NBPF10: variants seen among roughly 807,000 people sequenced by gnomAD.
The protein encoded by NBPF10 is NBPF family member NBPF10.
A neutral mutation model predicts 77.9 loss-of-function variants in NBPF10; 63 were observed. That is an observed-to-expected ratio of 0.81 (90% CI 0.66 to 1.00). The LOEUF is 1.00. NBPF10 is among the 50% of genes least tolerant of loss of function. The pLI is 0.00. For missense variants in NBPF10, 522 were observed against 679.8 expected (o/e 0.77, Z 2.58); for synonymous variants, 146 against 264.5 (o/e 0.55, Z 4.35).
chr1:146,126,580 A>T (rs1553790098), intron 13 of NBPF10, among the ~76,000 whole-genome samples, 172 bp from the exon 14 acceptor site: 1 of 138,586 alleles, frequency 7.2e-6, no homozygotes, highest in Admixed American at 7.9e-5. Context: ...CCAGGTAGAA[A>T]AGGATGAACG....
intron 20 of NBPF10, among the ~76,000 whole-genome samples, chr1:146,121,051 C>G (rs1174341348): frequency 9.4e-6 from 1 of 106,066 alleles, no homozygotes; most frequent in Non-Finnish European, 1.9e-5. Flanking sequence ...CATATTTTTC[C>G]AATCGATTTA....
intron 4 of NBPF10, among the ~76,000 whole-genome samples, 182 bp from the exon 5 acceptor site, chr1:146,140,202 G>C (rs1468812612): frequency 7.6e-6 from 1 of 131,020 alleles, no homozygotes; most frequent in Admixed American, 7.5e-5. Context: ...GGCTGCCATG[G>C]GAGCCAGAGA....
At chr1:146,143,868 G>C (rs1214105774) in intron 1 of NBPF10, among the ~76,000 whole-genome samples, 1 of 147,772 alleles carries the variant, frequency 6.8e-6, no homozygotes, top group Non-Finnish European at 1.5e-5. Flanking sequence ...TTCTGCCTCA[G>C]CCTCCCGATT....
chr1:146,067,246 C>G lies in NBPF10; in HGVS notation c.11078G>C (p.Arg3693Thr), dbSNP rs782504012. 70 of 564,994 alleles carry G rather than the reference C, an allele frequency of 1.2e-4. 1 individual carries two copies. Among genetic ancestry groups the G allele is most frequent in the Non-Finnish European group, 2.1e-4 (67 of 317,690 alleles). The allele number at this position is 564,994 out of a possible 1,614,324, so 35.0% of individuals were successfully genotyped here. ...TCCCCTTCTTCTTTCCTTCTTTGATCTTCTTCCCCTTCTTTTTTTCCCCTT... is the reference window on the plus strand; with the variant it reads ...TCCCCTTCTTCTTTCCTTCTTTGATGTTCTTCCCCTTCTTTTTTTCCCCTT... Residue 3693 changes from arginine (R) to threonine (T), a missense_variant, in exon 89 of 90, where the codon AGA becomes ACA. Arg to Thr is a moderately conservative substitution (Grantham distance 71). This residue lies in a region of NBPF10 where 183 missense variants were observed against 96.6 expected (regional missense o/e 1.89). Coordinates refer to ENST00000583866, the Ensembl canonical transcript of NBPF10.
intron 88 of NBPF10, among the ~76,000 whole-genome samples, chr1:146,067,492 C>A (rs1201669455): frequency 1.4e-5 from 2 of 143,894 alleles, no homozygotes; most frequent in African/African-American, 5.2e-5. Context: ...TAAAATGTCC[C>A]TATTCTAGTA....
chr1:146,126,714 C>A (rs1285720161), intron 13 of NBPF10, among the ~76,000 whole-genome samples: 1 of 146,552 alleles, frequency 6.8e-6, no homozygotes, highest in African/African-American at 2.5e-5. Flanking sequence ...TCTCAGGACA[C>A]ACAGTGAACA....
exon 1 of NBPF10, chr1:146,144,648 T>G: frequency 8.0e-7 from 1 of 1,248,998 alleles, no homozygotes; most frequent in Non-Finnish European, 1.1e-6. Flanking sequence ...TAGAAAACAT[T>G]TCTCTTTGAG....
chr1:146,073,971 CA>C lies in NBPF10; in HGVS notation c.10078+299del, dbSNP rs1480052828. On this transcript the variant is annotated intron_variant, in intron 80 of 89. Coordinates refer to ENST00000583866, the Ensembl canonical transcript of NBPF10. ...TGAAGGATGAAATCTCCAAGATCTA[CA>C]AAATTGAGACAAAATCAGAGTTGTG... is the stretch of plus-strand genomic sequence containing the variant. Among the ~76,000 whole-genome samples the C allele has an allele frequency of 3.0e-5, 3 of 99,070 alleles. 1 individual carries two copies. The East Asian group carries it at 8.0e-4, about 26-fold the overall frequency. The allele number at this position is 99,070 out of a possible 152,430, so 65.0% of individuals were successfully genotyped here.
rs1553794466 is a variant in NBPF10 at position 146,135,395 on chromosome 1, C to T, written c.1218G>A (p.Glu406=). The T allele has an allele frequency of 6.0e-6, 8 of 1,337,606 alleles. 3 individuals carry two copies. The African/African-American group carries it at 6.2e-5, about 10-fold the overall frequency. The allele number at this position is 1,337,606 out of a possible 1,614,324, so 82.9% of individuals were successfully genotyped here. A position where few individuals can be genotyped will look rare whatever the true frequency, so the allele number is the denominator to read the frequency against. ...GGTCCTGCCCCTGGGACTTGTCCGGCTCATACGGAGTGAGGAGGGCCTGGA... is the reference window on the plus strand; with the variant it reads ...GGTCCTGCCCCTGGGACTTGTCCGGTTCATACGGAGTGAGGAGGGCCTGGA... Residue 406 remains glutamate (E), a synonymous_variant, in exon 8 of 90, where the codon GAG becomes GAA. Coordinates refer to ENST00000583866, the Ensembl canonical transcript of NBPF10.
At position 146,139,286 on chromosome 1, in the gene NBPF10, T is replaced by C. The variant is rs1425274524; in HGVS notation, c.778+523A>G. 5.2e-4 allele frequency among the ~76,000 whole-genome samples: 78 copies of C among 151,242 alleles called. No homozygotes were observed. The South Asian group carries it at 0.013, about 25-fold the overall frequency. Reference sequence around the variant, plus strand: ...AGCTATTTTTTTTTTTTTTTTTGTATTTTTAGTAAAGACGGGGTTTCACCG... The same window carrying C: ...AGCTATTTTTTTTTTTTTTTTTGTACTTTTAGTAAAGACGGGGTTTCACCG... On this transcript the variant is annotated intron_variant, in intron 5 of 89. Transcript: ENST00000583866.
chr1:146,126,006 A>G (rs1161050717), intron 14 of NBPF10, among the ~76,000 whole-genome samples: 2 of 151,812 alleles, frequency 1.3e-5, no homozygotes, highest in South Asian at 2.1e-4. Flanking sequence ...TGAGAGTAGG[A>G]TTATGGTGCC....
chr1:146,121,880 C>G (rs1274094905), intron 19 of NBPF10, among the ~76,000 whole-genome samples: 29 of 149,074 alleles, frequency 1.9e-4, no homozygotes, highest in Admixed American at 5.3e-4. Flanking sequence ...GAGACAGAGA[C>G]AGAGACAGAG....
chr1:146,123,479 C>CAT (rs1225583031), intron 17 of NBPF10, among the ~76,000 whole-genome samples: 1 of 53,472 alleles, frequency 1.9e-5, no homozygotes, highest in African/African-American at 7.7e-5. Flanking sequence ...CAGATAGACA[C>CAT]ACACACACAC....
chr1:146,126,022 C>T (rs587623288), intron 14 of NBPF10, among the ~76,000 whole-genome samples: 15 of 151,754 alleles, frequency 9.9e-5, no homozygotes, highest in Non-Finnish European at 1.9e-4. Context: ...GTGCCACAGG[C>T]ATGGCCTGAG....
At chr1:146,123,496 AC>A in intron 17 of NBPF10, among the ~76,000 whole-genome samples, 9 of 95,668 alleles carry the variant, frequency 9.4e-5, no homozygotes, top group African/African-American at 4.5e-4. Context: ...ACACACACAC[AC>A]ACACACACAC....
At chr1:146,136,322 G>C (rs4068074) in intron 7 of NBPF10, 31 bp downstream of exon 7, 624,431 of 760,696 alleles carry the variant, frequency 0.82, 275,067 homozygotes, top group Admixed American at 0.9. Flanking sequence ...ACACACCTGC[G>C]CCCCTGCCTG....
intron 67 of NBPF10, 79 bp from the exon 68 acceptor site, chr1:146,083,988 C>CTAG (rs1656501607): frequency 5.7e-6 from 2 of 352,296 alleles, no homozygotes; most frequent in Non-Finnish European, 1.2e-5. Flanking sequence ...TCATGGCTAA[C>CTAG]GTAAGGAAGA....
rs587720914 is a variant in NBPF10 at position 146,142,482 on chromosome 1, CTTA to C, written c.278+165_278+167del. On this transcript the variant is annotated intron_variant, in intron 2 of 89. Transcript: ENST00000583866. ...TCTAAGAAACAACTGCAACACAGAACTTATTATTATCCTTGCTCTCTGATAAAT... is the reference window on the plus strand; with the variant it reads ...TCTAAGAAACAACTGCAACACAGAACTTATTATCCTTGCTCTCTGATAAAT... 2.5e-3 allele frequency among the ~76,000 whole-genome samples: 327 copies of C among 131,690 alleles called. 11 individuals carry two copies. Among genetic ancestry groups the C allele is most frequent in the African/African-American group, 8.0e-3 (320 of 40,006 alleles). The allele number at this position is 131,690 out of a possible 152,430, so 86.4% of individuals were successfully genotyped here.
chr1:146,139,402 C>T (rs1214482625), intron 5 of NBPF10, among the ~76,000 whole-genome samples: 4 of 151,886 alleles, frequency 2.6e-5, no homozygotes, highest in Non-Finnish European at 4.4e-5. Flanking sequence ...ACCCACTGCG[C>T]CCAGCCGAGA....
Sources: allele counts gnomAD v4.1 joint callset (sites outside exome capture counted in the v4.1 genomes callset), GRCh38; gene constraint gnomAD v4.1.1; regional missense constraint gnomAD v4.1.1; transcripts MANE v1.5; gene names NCBI Gene and HGNC (gene_info 2026-07-23, HGNC 2026-07-21).